Variants in TFRC observed in about 807,000 individuals in gnomAD.
TFRC encodes transferrin receptor, also known as transferrin receptor protein 1.
A neutral mutation model predicts 85.8 loss-of-function variants in TFRC; 35 were observed. The observed-to-expected ratio is 0.41, with a 90% CI of 0.31 to 0.54. The LOEUF (loss-of-function observed/expected upper bound fraction) is 0.54. Among genes scored for constraint, TFRC ranks in the 20% least tolerant of loss-of-function variants. TFRC has a pLI of 0.31. For missense variants in TFRC, 828 were observed against 921.5 expected, an observed-to-expected ratio of 0.90 and a Z score of 1.31; for synonymous variants, 362 against 328.6, an observed-to-expected ratio of 1.10 and a Z score of -1.10.
intron 7 of TFRC, among the ~76,000 whole-genome samples, chr3:196,068,450 A>G (rs1462460765): frequency 1.3e-5 from 2 of 151,628 alleles, no homozygotes; most frequent in Non-Finnish European, 2.9e-5. Context: ...GTCTCTACTA[A>G]AAATACAAAA....
Position 196,065,435 on chromosome 3 carries a change from G to A in TFRC, c.1198+8C>T. On this transcript the variant is annotated splice_region_variant and intron_variant, in intron 10 of 18. Transcript: ENST00000360110. ...AGCGGGGCGGGGGGGGGGGGGGGCG[G>A]TCTTTACCTGGTTCTACAAAGCCTT... The A allele has an allele frequency of 4.6e-6, 3 of 655,708 alleles. No individual in the cohort carries two copies. Among genetic ancestry groups the A allele is most frequent in the South Asian group, 2.1e-5 (1 of 47,226 alleles). The allele number at this position is 655,708 out of a possible 1,614,324, so 40.6% of individuals were successfully genotyped here.
intron 9 of TFRC, among the ~76,000 whole-genome samples, chr3:196,066,282 T>C (rs1387848251): frequency 1.3e-5 from 2 of 152,098 alleles, no homozygotes; most frequent in Non-Finnish European, 2.9e-5. Context: ...TAGTACACAT[T>C]CTTAGCTCAG....
Position 196,070,736 on chromosome 3 carries a change from G to C in TFRC, c.687+660C>G, listed in dbSNP as rs533111367. ...CCTGAGCCCAGGAGTTTCAATTGAA[G>C]ACCAGCCTGGCCAACATGGCAAAAC... is the stretch of plus-strand genomic sequence containing the variant. On this transcript the variant is annotated intron_variant, in intron 6 of 18. Transcript: ENST00000360110. 2.5e-3 allele frequency among the ~76,000 whole-genome samples: 380 copies of C among 149,360 alleles called. 2 individuals are homozygous for C. The highest frequency in any genetic ancestry group is 2.9e-3 in the Non-Finnish European group (197 of 67,424).
intron 16 of TFRC, among the ~76,000 whole-genome samples, chr3:196,056,586 G>C (rs1716814425): frequency 6.6e-6 from 1 of 151,928 alleles, no homozygotes; most frequent in Non-Finnish European, 1.5e-5. Flanking sequence ...ATTTTTAGTA[G>C]AGATGGGGTT....
At chr3:196,056,114 A>G (rs1716772095) in intron 16 of TFRC, among the ~76,000 whole-genome samples, 1 of 152,216 alleles carries the variant, frequency 6.6e-6, no homozygotes, top group Non-Finnish European at 1.5e-5. Flanking sequence ...GGCTCCCCAC[A>G]GCCTTAAGCT....
intron 1 of TFRC, among the ~76,000 whole-genome samples, chr3:196,079,450 CA>C (rs1242958000): frequency 1.3e-5 from 2 of 151,448 alleles, no homozygotes; most frequent in Non-Finnish European, 2.9e-5. Flanking sequence ...CCATCTCTAC[CA>C]AAAAAATACA....
chr3:196,050,690 A>C lies in TFRC; in HGVS notation c.*1252T>G, dbSNP rs1716241426. On this transcript the variant is annotated 3_prime_UTR_variant, in exon 19 of 19. Coordinates refer to ENST00000360110, the MANE Select transcript of TFRC (RefSeq NM_001128148.3). ...GATAAACTGAGCTATAAAATTTTGC[A>C]GGAGTACTACCACAGCCTTTAAGTG... 2.0e-5 allele frequency: 4 copies of C among 204,828 alleles called. 1 individual carries two copies. The South Asian group carries it at 7.6e-4, about 39-fold the overall frequency. The allele number at this position is 204,828 out of a possible 1,614,324, so 12.7% of individuals were successfully genotyped here. A position where few individuals can be genotyped will look rare whatever the true frequency, so the allele number is the denominator to read the frequency against.
In TFRC at chr3:196,068,013, T is replaced by C. The variant is rs1717875327; in HGVS notation, c.900+19A>G. ...ACTCAAGGAACTCAAAACGGTGATTTACTCAAGAAATAACTCACATGTCCA... is the reference window on the plus strand; with the variant it reads ...ACTCAAGGAACTCAAAACGGTGATTCACTCAAGAAATAACTCACATGTCCA... On this transcript the variant is annotated intron_variant, in intron 8 of 18. Coordinates refer to ENST00000360110, the MANE Select transcript of TFRC (RefSeq NM_001128148.3). 2 of 1,597,546 alleles carry C rather than the reference T, an allele frequency of 1.3e-6. No homozygotes were observed. The highest frequency in any genetic ancestry group is 1.7e-6 in the Non-Finnish European group (2 of 1,167,688).
At chr3:196,077,673 AC>A (rs909746150) in intron 1 of TFRC, among the ~76,000 whole-genome samples, 32 of 152,212 alleles carry the variant, frequency 2.1e-4, no homozygotes, top group African/African-American at 7.2e-4. Context: ...AATGGCGTGA[AC>A]CCAGGAGGTG....
rs41295877 is a variant in TFRC, at chr3:196,064,691, T to C, written c.1199-263A>G. On this transcript the variant is annotated intron_variant, in intron 10 of 18. Transcript: ENST00000360110. ...GTCCAAGGACTTATTTCTTAGTAAG[T>C]GTTGGCTGTTTGATTGCATTTAAAG... 3.8e-3 allele frequency among the ~76,000 whole-genome samples: 572 copies of C among 152,344 alleles called. 3 individuals are homozygous for C. Among genetic ancestry groups the C allele is most frequent in the African/African-American group, 0.013 (541 of 41,578 alleles).
At position 196,075,332 on chromosome 3, in the gene TFRC, C is replaced by T. The variant is rs576156970; in HGVS notation, c.65G>A (p.Arg22Gln). Residue 22 changes from arginine to glutamine, a missense_variant, in exon 3 of 19, where the codon CGG becomes CAG. By Grantham distance (43) the Arg-to-Gln change is conservative. Coordinates refer to ENST00000360110, the MANE Select transcript of TFRC (RefSeq NM_001128148.3). ...ATCTACTTGCCGAGCCAGGCTGAAC[C>T]GGGTATATGACAATGGTTCTCCACC... is the stretch of plus-strand genomic sequence containing the variant. ...LFGGEPLSYTRFSLARQVDGD... is the reference protein window; with the variant it reads ...LFGGEPLSYTQFSLARQVDGD... The T allele has an allele frequency of 9.9e-6, 16 of 1,614,056 alleles. No individual in the cohort carries two copies. Among genetic ancestry groups the T allele is most frequent in the African/African-American group, 2.7e-5 (2 of 75,002 alleles).
chr3:196,070,265 ATT>A (rs35819676), intron 6 of TFRC, among the ~76,000 whole-genome samples: 3,199 of 143,004 alleles, frequency 0.022, 64 homozygotes, highest in African/African-American at 0.051. Context: ...TACAAATGTG[ATT>A]TTTTTTTTTT....
Position 196,074,002 on chromosome 3 carries a change from C to T in TFRC, c.362G>A (p.Arg121His), listed in dbSNP as rs772641140. 92 of 1,614,034 alleles carry T rather than the reference C, an allele frequency of 5.7e-5. No homozygotes were observed. In the Admixed American group the frequency reaches 6.5e-4, roughly 11 times the overall value. The change falls in exon 4 of 19, where the codon CGC (arginine) becomes CAC (histidine). Residue 121 changes from arginine to histidine, a missense_variant. Coordinates refer to ENST00000360110, the MANE Select transcript of TFRC (RefSeq NM_001128148.3). ...TCTCTTCAGGTCATCCCAATATAAG[C>T]GACGTGCTGCAGGGAAGTCCTCTCC... The part of the protein sequence containing the change: ...EPGEDFPAAR[R>H]LYWDDLKRKL...
intron 13 of TFRC, among the ~76,000 whole-genome samples, chr3:196,061,127 C>A (rs1345878030): frequency 6.6e-6 from 1 of 152,156 alleles, no homozygotes; most frequent in East Asian, 1.9e-4. Context: ...TTTTTTACCC[C>A]ATTCCTGTTG....
intron 16 of TFRC, among the ~76,000 whole-genome samples, chr3:196,055,927 C>A (rs1020719594): frequency 6.6e-6 from 1 of 150,918 alleles, no homozygotes; most frequent in Non-Finnish European, 1.5e-5. Flanking sequence ...AGCCTTGAGA[C>A]GAGGTCACTC....
chr3:196,056,137 G>A (rs1236638558), intron 16 of TFRC, among the ~76,000 whole-genome samples: 2 of 152,172 alleles, frequency 1.3e-5, no homozygotes, highest in Non-Finnish European at 1.5e-5. Flanking sequence ...TAGCTCAAGT[G>A]ACCCCCCTGC....
rs1224438029 is a variant in TFRC at position 196,062,602 on chromosome 3, T to C, written c.1448A>G (p.Asn483Ser). 5 of 1,608,442 alleles carry C rather than the reference T, an allele frequency of 3.1e-6. No individual in the cohort carries two copies. In the Admixed American group the frequency reaches 6.9e-5, roughly 22 times the overall value. The stretch of plus-strand genomic sequence containing the variant: ...CTTACCAAGAACCGCTTTATCCAGA[T>C]TAATATAAGTGAAAGCCTTTAAATG... ...SLHLKAFTYI[N>S]LDKAVLGTSN... The change falls in exon 13 of 19, where the codon AAT becomes AGT. Residue 483 changes from asparagine (N) to serine (S), a missense_variant. By Grantham distance (46) the Asn-to-Ser change is conservative. Coordinates refer to ENST00000360110, the MANE Select transcript of TFRC (RefSeq NM_001128148.3).
At chr3:196,052,577 A>G (rs530720395) in intron 18 of TFRC, among the ~76,000 whole-genome samples, 1 of 152,192 alleles carries the variant, frequency 6.6e-6, no homozygotes, top group African/African-American at 2.4e-5. Context: ...AGCAGCTGGA[A>G]TTACAGGCAT....
chr3:196,052,071 C>G lies in TFRC; in HGVS notation c.2154G>C (p.Leu718=). Residue 718 remains leucine, a synonymous_variant, in exon 19 of 19, where the codon CTG becomes CTC. Coordinates refer to ENST00000360110, the MANE Select transcript of TFRC (RefSeq NM_001128148.3). The part of the protein sequence containing the change: ...TLPALLENLK[L]RKQNNGAFNE... ...TAAAAGCACCGTTATTTTGTTTACG[C>G]AGTTTCAAGTTCTCCAGTAAAGCTG... The G allele has an allele frequency of 6.2e-7, 1 of 1,614,144 alleles. No individual in the cohort carries two copies. The highest frequency in any genetic ancestry group is 8.5e-7 in the Non-Finnish European group (1 of 1,180,018).
Sources: allele counts gnomAD v4.1 joint callset (sites outside exome capture counted in the v4.1 genomes callset), GRCh38; gene constraint gnomAD v4.1.1; transcripts MANE v1.5; gene names NCBI Gene and HGNC (gene_info 2026-07-23, HGNC 2026-07-21).